The following NEGR1 variants were observed in gnomAD, a reference collection of about 807,000 sequenced individuals.
NEGR1 encodes the protein IgLON family member 4.
A neutral mutation model predicts 40.9 loss-of-function variants in NEGR1; 10 were observed. The observed-to-expected ratio is 0.24, with a 90% CI of 0.15 to 0.42. The LOEUF (loss-of-function observed/expected upper bound fraction) is 0.42. NEGR1 is among the 10% of genes least tolerant of loss of function. The pLI is 1.00. For synonymous variants in NEGR1, 185 were observed against 166.8 expected (o/e 1.11, Z -0.84); for missense variants, 352 against 438.9 (o/e 0.80, Z 1.77).
intron 1 of NEGR1, among the ~76,000 whole-genome samples, chr1:72,087,067 T>C (rs562816102): frequency 2.0e-5 from 3 of 152,106 alleles, no homozygotes; most frequent in Non-Finnish European, 2.9e-5. Context: ...ATCTTAAACA[T>C]AAACAGGATA....
intron 2 of NEGR1, among the ~76,000 whole-genome samples, chr1:71,908,983 T>C (rs1393077523): frequency 8.5e-5 from 13 of 152,336 alleles, no homozygotes; most frequent in Non-Finnish European, 1.8e-4. Context: ...TGTAACATTG[T>C]TGACAAAAGA....
intron 1 of NEGR1, among the ~76,000 whole-genome samples, chr1:72,074,069 G>A (rs927525238): frequency 3.9e-5 from 6 of 152,034 alleles, no homozygotes; most frequent in Admixed American, 3.9e-4. Flanking sequence ...CTGAAATTAG[G>A]ATTGAATTTA....
chr1:72,019,955 C>G (rs747904859), intron 1 of NEGR1, among the ~76,000 whole-genome samples: 2 of 152,146 alleles, frequency 1.3e-5, no homozygotes, highest in Admixed American at 6.6e-5. Flanking sequence ...TAGTGAAAAA[C>G]CTAATGCTGC....
intron 4 of NEGR1, among the ~76,000 whole-genome samples, chr1:71,649,606 A>T (rs1447392503): frequency 6.6e-6 from 1 of 152,154 alleles, no homozygotes; most frequent in Non-Finnish European, 1.5e-5. Context: ...GTGTGGAAAC[A>T]TGAAATCTAA....
At chr1:71,695,265 AG>A (rs1653438482) in intron 4 of NEGR1, among the ~76,000 whole-genome samples, 2 of 151,790 alleles carry the variant, frequency 1.3e-5, no homozygotes, top group Non-Finnish European at 3.0e-5. Context: ...AGTATTAAAC[AG>A]TTTTTCATGG....
chr1:71,744,986 T>G (rs1443433143), intron 3 of NEGR1, among the ~76,000 whole-genome samples: 1 of 152,206 alleles, frequency 6.6e-6, no homozygotes, highest in African/African-American at 2.4e-5. Context: ...GTTATTATTA[T>G]TTGAACTGAA....
At chr1:71,810,863 C>T (rs1657976881) in intron 2 of NEGR1, among the ~76,000 whole-genome samples, 1 of 152,166 alleles carries the variant, frequency 6.6e-6, no homozygotes, top group South Asian at 2.1e-4. Context: ...GCCTGTGGAA[C>T]TGTGAGCCAA....
intron 6 of NEGR1, among the ~76,000 whole-genome samples, chr1:71,538,438 G>T (rs1050431232): frequency 2.0e-5 from 3 of 151,664 alleles, no homozygotes; most frequent in Non-Finnish European, 4.4e-5. Context: ...TTGTGTTATT[G>T]AGACACAGCA....
intron 1 of NEGR1, among the ~76,000 whole-genome samples, chr1:72,098,856 T>C (rs969801817): frequency 1.3e-5 from 2 of 152,080 alleles, no homozygotes; most frequent in Non-Finnish European, 1.5e-5. Context: ...TGTGTTAAAC[T>C]TCAGCTTTTC....
chr1:72,018,637 C>T (rs1646731831), intron 1 of NEGR1, among the ~76,000 whole-genome samples: 1 of 152,044 alleles, frequency 6.6e-6, no homozygotes, highest in Admixed American at 6.6e-5. Flanking sequence ...TAATAAGTGC[C>T]ACAAAGCAAA....
chr1:71,960,277 C>T (rs1455681910), intron 1 of NEGR1, among the ~76,000 whole-genome samples: 1 of 152,106 alleles, frequency 6.6e-6, no homozygotes, highest in East Asian at 1.9e-4. Flanking sequence ...TGACCACTTT[C>T]TATGGGGAAA....
intron 1 of NEGR1, among the ~76,000 whole-genome samples, chr1:72,186,505 A>G (rs906266039): frequency 6.6e-6 from 1 of 151,614 alleles, no homozygotes; most frequent in African/African-American, 2.4e-5. Flanking sequence ...GGGCCAGATG[A>G]TATGGTACCA....
intron 4 of NEGR1, among the ~76,000 whole-genome samples, chr1:71,643,463 T>C (rs1651423430): frequency 1.3e-5 from 2 of 152,116 alleles, no homozygotes; most frequent in South Asian, 4.1e-4. Flanking sequence ...GGATACATAG[T>C]TCATTGACTT....
intron 1 of NEGR1, among the ~76,000 whole-genome samples, chr1:72,170,734 T>A (rs1651931732): frequency 6.6e-6 from 1 of 152,190 alleles, no homozygotes. Context: ...AGGCTAACAT[T>A]TCTTCTGTGG....
At chr1:72,174,244 G>A (rs1022798731) in intron 1 of NEGR1, among the ~76,000 whole-genome samples, 1 of 152,012 alleles carries the variant, frequency 6.6e-6, no homozygotes, top group Non-Finnish European at 1.5e-5. Flanking sequence ...CCCATATGCC[G>A]CTTTCCCCTA....
chr1:71,897,436 C>T (rs1570475581), intron 2 of NEGR1, among the ~76,000 whole-genome samples: 1 of 152,162 alleles, frequency 6.6e-6, no homozygotes, highest in African/African-American at 2.4e-5. Context: ...GTCACTTCTT[C>T]CCTGCAAAAG....
chr1:71,681,781 C>A (rs1304394774), intron 4 of NEGR1, among the ~76,000 whole-genome samples: 1 of 151,990 alleles, frequency 6.6e-6, no homozygotes, highest in African/African-American at 2.4e-5. Context: ...CTTTAAATTT[C>A]TTCACTTTCT....
chr1:71,847,288 T>A (rs1419639132), intron 2 of NEGR1, among the ~76,000 whole-genome samples: 1 of 152,242 alleles, frequency 6.6e-6, no homozygotes, highest in Non-Finnish European at 1.5e-5. Flanking sequence ...TACAACATAA[T>A]GTTTTGAAAT....
intron 1 of NEGR1, among the ~76,000 whole-genome samples, chr1:71,966,742 A>G (rs1484305785): frequency 6.6e-6 from 1 of 152,184 alleles, no homozygotes; most frequent in East Asian, 1.9e-4. Context: ...ATCAGCAGGC[A>G]AGTCAAAATT....
Sources: gnomAD v4.1 joint callset for allele counts (sites outside exome capture counted in the v4.1 genomes callset) on GRCh38, gnomAD v4.1.1 for gene constraint, MANE v1.5 for transcripts, NCBI Gene and HGNC (gene_info 2026-07-23, HGNC 2026-07-21) for gene names.